Variants in RPS6KC1 observed in about 807,000 individuals in gnomAD.
The protein encoded by RPS6KC1 is ribosomal protein S6 kinase C1, also known as inactive ribosomal protein S6 kinase delta-1.
A neutral mutation model predicts 103.8 loss-of-function variants in RPS6KC1; 54 were observed. The observed-to-expected ratio is 0.52, with a 90% CI of 0.42 to 0.65. The LOEUF is 0.65. Among genes scored for constraint, RPS6KC1 ranks in the 30% least tolerant of loss-of-function variants. RPS6KC1 has a pLI of 0.00. For synonymous variants in RPS6KC1, 439 were observed against 438.7 expected (o/e 1.00, Z -0.01); for missense variants, 1,151 against 1,253.8 (o/e 0.92, Z 1.24).
the RPS6KC1 span, among the ~76,000 whole-genome samples, chr1:213,496,525 A>C: frequency 6.6e-6 from 1 of 152,292 alleles, no homozygotes; most frequent in African/African-American, 2.4e-5. Flanking sequence ...TGGGAGGCTG[A>C]GGTGGGTGAA....
the RPS6KC1 span, among the ~76,000 whole-genome samples, chr1:213,505,485 T>C: frequency 6.6e-6 from 1 of 152,236 alleles, no homozygotes; most frequent in Non-Finnish European, 1.5e-5. Context: ...TGTGCCTCTG[T>C]TTTCTGATGT....
chr1:213,326,946 G>A, the RPS6KC1 span, among the ~76,000 whole-genome samples: 1 of 151,350 alleles, frequency 6.6e-6, no homozygotes, highest in East Asian at 1.9e-4. Context: ...CCTCTCTGAT[G>A]CTGGTTGTAT....
the RPS6KC1 span, among the ~76,000 whole-genome samples, chr1:213,492,912 C>G: frequency 6.6e-6 from 1 of 152,310 alleles, no homozygotes; most frequent in African/African-American, 2.4e-5. Context: ...TAGAGGGCTG[C>G]TCTGAGCTGG....
At chr1:213,328,862 C>T in the RPS6KC1 span, among the ~76,000 whole-genome samples, 1 of 152,004 alleles carries the variant, frequency 6.6e-6, no homozygotes, top group African/African-American at 2.4e-5. Flanking sequence ...AGGTTAACTG[C>T]TTTTTTTCTA....
At chr1:213,180,135 A>G (rs554122440) in intron 8 of RPS6KC1, among the ~76,000 whole-genome samples, 1 of 152,170 alleles carries the variant, frequency 6.6e-6, no homozygotes, top group Admixed American at 6.5e-5. Context: ...AAGAATAGCC[A>G]GAAAACAAGG....
the RPS6KC1 span, among the ~76,000 whole-genome samples, chr1:213,344,070 A>C: frequency 6.6e-6 from 1 of 152,270 alleles, no homozygotes; most frequent in Admixed American, 6.5e-5. Flanking sequence ...TTTCTAAACA[A>C]AATAAGACAA....
chr1:213,315,934 A>AT, the RPS6KC1 span, among the ~76,000 whole-genome samples: 1 of 152,180 alleles, frequency 6.6e-6, no homozygotes, highest in Non-Finnish European at 1.5e-5. Flanking sequence ...AATCATTCAC[A>AT]TTTTTCATTT....
chr1:213,568,886 CAG>C, the RPS6KC1 span, among the ~76,000 whole-genome samples: 1 of 152,180 alleles, frequency 6.6e-6, no homozygotes, highest in African/African-American at 2.4e-5. Flanking sequence ...GAGAGAGAGG[CAG>C]ACTCTGCAAA....
At chr1:213,823,895 TGATCTCCACAATCA>T in the RPS6KC1 span, among the ~76,000 whole-genome samples, 1 of 152,198 alleles carries the variant, frequency 6.6e-6, no homozygotes, top group Admixed American at 6.5e-5. Context: ...GGTGCAGATT[TGATCTCCACAATCA>T]GATGAGGAAA....
intron 6 of RPS6KC1, among the ~76,000 whole-genome samples, chr1:213,130,442 A>T (rs1177034079): frequency 6.6e-6 from 1 of 152,106 alleles, no homozygotes; most frequent in Non-Finnish European, 1.5e-5. Context: ...TATTGTTTTA[A>T]CCCTTAAATT....
the RPS6KC1 span, among the ~76,000 whole-genome samples, chr1:213,610,042 G>A: frequency 1.3e-5 from 2 of 151,956 alleles, no homozygotes. Context: ...AAGTATCTTC[G>A]AGTACGGTTT....
At chr1:213,722,518 A>G in the RPS6KC1 span, among the ~76,000 whole-genome samples, 3 of 152,128 alleles carry the variant, frequency 2.0e-5, no homozygotes, top group Non-Finnish European at 4.4e-5. Context: ...GGCATCTTTT[A>G]GCCTACAGTT....
chr1:213,640,751 CTT>C, the RPS6KC1 span, among the ~76,000 whole-genome samples: 1 of 151,628 alleles, frequency 6.6e-6, no homozygotes, highest in Non-Finnish European at 1.5e-5. Flanking sequence ...AAAAAATAGA[CTT>C]TGTATAATTT....
chr1:213,285,765 G>T, the RPS6KC1 span, among the ~76,000 whole-genome samples: 1 of 152,184 alleles, frequency 6.6e-6, no homozygotes, highest in Non-Finnish European at 1.5e-5. Context: ...GTAGTATTAA[G>T]CTGTGGGGCT....
At chr1:213,199,943 C>A (rs1402918906) in intron 8 of RPS6KC1, among the ~76,000 whole-genome samples, 1 of 152,130 alleles carries the variant, frequency 6.6e-6, no homozygotes, top group Non-Finnish European at 1.5e-5. Context: ...GGTGAAAGAT[C>A]TCTACAAGGA....
At chr1:213,158,336 G>A (rs2090122728) in intron 6 of RPS6KC1, among the ~76,000 whole-genome samples, 1 of 152,174 alleles carries the variant, frequency 6.6e-6, no homozygotes, top group African/African-American at 2.4e-5. Flanking sequence ...TTGGCAATGT[G>A]CTTGCTATTC....
the RPS6KC1 span, among the ~76,000 whole-genome samples, chr1:213,431,316 A>G: frequency 6.6e-6 from 1 of 152,176 alleles, no homozygotes; most frequent in African/African-American, 2.4e-5. Context: ...TAGGTTCAAG[A>G]ATAACAAGTA....
chr1:213,567,147 C>G, the RPS6KC1 span, among the ~76,000 whole-genome samples: 8 of 152,310 alleles, frequency 5.3e-5, no homozygotes, highest in Middle Eastern at 3.4e-3. Context: ...AAGTTGAACT[C>G]AAGCCCATAT....
the RPS6KC1 span, among the ~76,000 whole-genome samples, chr1:213,796,737 C>T: frequency 8.5e-5 from 13 of 152,288 alleles, no homozygotes; most frequent in South Asian, 4.1e-4. Context: ...TCTGCCAACA[C>T]GGCTGTGTCA....
Sources: allele counts gnomAD v4.1 joint callset (sites outside exome capture counted in the v4.1 genomes callset), GRCh38; gene constraint gnomAD v4.1.1; transcripts MANE v1.5; gene names NCBI Gene and HGNC (gene_info 2026-07-23, HGNC 2026-07-21).